NKAIN2: variants seen among roughly 807,000 people sequenced by gnomAD.
NKAIN2 encodes sodium/potassium transporting ATPase interacting 2.
Under a neutral mutation model 32.6 loss-of-function variants are expected in NKAIN2, and 14 were observed. The observed-to-expected ratio is 0.43, with a 90% confidence interval of 0.28 to 0.67. The LOEUF (loss-of-function observed/expected upper bound fraction) is 0.67. Among genes scored for constraint, NKAIN2 ranks in the 30% least tolerant of loss-of-function variants. The probability of loss-of-function intolerance (pLI) is 0.17; values close to 1 mark genes in which losing one functional copy is unlikely to be tolerated. For synonymous variants in NKAIN2, 80 were observed against 87.2 expected (o/e 0.92, Z 0.46); for missense variants, 198 against 258.3 (o/e 0.77, Z 1.60).
intron 3 of NKAIN2, among the ~76,000 whole-genome samples, chr6:124,435,039 A>G (rs1160376930): frequency 1.3e-5 from 2 of 152,194 alleles, no homozygotes; most frequent in Non-Finnish European, 2.9e-5. Flanking sequence ...TATCATGAAG[A>G]GTTTCAGAAA....
chr6:123,976,327 T>C (rs1255966646), intron 1 of NKAIN2, among the ~76,000 whole-genome samples: 3 of 37,594 alleles, frequency 8.0e-5, no homozygotes, highest in Non-Finnish European at 1.7e-4. Context: ...ATATATATGT[T>C]CCCATATATA....
At chr6:124,358,929 C>A (rs1323450512) in intron 3 of NKAIN2, among the ~76,000 whole-genome samples, 4 of 150,092 alleles carry the variant, frequency 2.7e-5, no homozygotes, top group South Asian at 2.1e-4. Context: ...GTCTTTAATC[C>A]ATCTTGAATT....
intron 4 of NKAIN2, among the ~76,000 whole-genome samples, chr6:124,761,228 C>T (rs1398591836): frequency 6.6e-6 from 1 of 152,154 alleles, no homozygotes; most frequent in Admixed American, 6.5e-5. Flanking sequence ...ATCATGCTAA[C>T]ACTTTATTGC....
At chr6:124,462,196 T>C (rs1021693348) in intron 3 of NKAIN2, among the ~76,000 whole-genome samples, 5 of 151,808 alleles carry the variant, frequency 3.3e-5, no homozygotes, top group African/African-American at 1.2e-4. Flanking sequence ...GAGAGAATTG[T>C]TAAAGGGAAG....
At chr6:123,820,678 A>C (rs1773886996) in intron 1 of NKAIN2, among the ~76,000 whole-genome samples, 1 of 152,286 alleles carries the variant, frequency 6.6e-6, no homozygotes, top group East Asian at 1.9e-4. Flanking sequence ...TCACAGGTTT[A>C]CCAGAAGTAT....
intron 4 of NKAIN2, among the ~76,000 whole-genome samples, chr6:124,759,756 A>G (rs563949572): frequency 4.6e-5 from 7 of 152,078 alleles, no homozygotes; most frequent in South Asian, 2.1e-4. Flanking sequence ...TGTTGGAAAT[A>G]TATTTCCCAA....
In NKAIN2 at chr6:123,821,685, G is replaced by T. The variant is rs778045764; in HGVS notation, c.54+17431G>T. Among the ~76,000 whole-genome samples, 91 of 152,218 alleles carry T rather than the reference G, an allele frequency of 6.0e-4. No homozygotes were observed. The Middle Eastern group carries it at 0.014, about 23-fold the overall frequency. Reference sequence around the variant, plus strand: ...TTGAAACCACTGTGGGTGTGTAGAGGGACAAGCGGGGGGCCCGAGGGCTGG... The same window carrying T: ...TTGAAACCACTGTGGGTGTGTAGAGTGACAAGCGGGGGGCCCGAGGGCTGG... On this transcript the variant is annotated intron_variant, in intron 1 of 6. Transcript: ENST00000368417.
chr6:123,895,245 ACAGCAGCAGCAG>A (rs560084577), intron 1 of NKAIN2, among the ~76,000 whole-genome samples: 4 of 151,394 alleles, frequency 2.6e-5, no homozygotes, highest in African/African-American at 4.8e-5. Context: ...ACACACAGCA[ACAGCAGCAGCAG>A]CAGCAGCAGC....
chr6:124,225,935 T>A (rs182502039), intron 1 of NKAIN2, among the ~76,000 whole-genome samples: 1 of 152,112 alleles, frequency 6.6e-6, no homozygotes, highest in East Asian at 1.9e-4. Flanking sequence ...CACTGGTCAT[T>A]TTTGCAAAGG....
At chr6:124,135,514 GTA>G (rs1491200328) in intron 1 of NKAIN2, among the ~76,000 whole-genome samples, 96 of 12,240 alleles carry the variant, frequency 7.8e-3, no homozygotes, top group African/African-American at 0.023. Flanking sequence ...AGCAACGATA[GTA>G]AAAAAAAAAA....
intron 1 of NKAIN2, among the ~76,000 whole-genome samples, chr6:124,065,811 C>A (rs112899257): frequency 0.014 from 2,086 of 152,170 alleles, 44 homozygotes; most frequent in African/African-American, 0.048. Flanking sequence ...CATATTTCTT[C>A]TTTTTAAATT....
intron 5 of NKAIN2, among the ~76,000 whole-genome samples, chr6:124,816,032 G>GT (rs1477677366): frequency 2.0e-5 from 3 of 152,138 alleles, no homozygotes; most frequent in Non-Finnish European, 2.9e-5. Context: ...CAGGGTCTCT[G>GT]TTTTTGTCAT....
At chr6:124,348,663 G>A (rs1798564615) in intron 2 of NKAIN2, among the ~76,000 whole-genome samples, 2 of 152,242 alleles carry the variant, frequency 1.3e-5, no homozygotes, top group African/African-American at 2.4e-5. Context: ...CTCCCAGCAT[G>A]AGCGACGCAG....
At chr6:124,660,100 T>A (rs1159969701) in intron 4 of NKAIN2, among the ~76,000 whole-genome samples, 1 of 152,150 alleles carries the variant, frequency 6.6e-6, no homozygotes, top group Non-Finnish European at 1.5e-5. Context: ...ATGAGAAAAG[T>A]GAAATATTTC....
chr6:124,707,686 T>A (rs911742814), intron 4 of NKAIN2, among the ~76,000 whole-genome samples: 158 of 151,516 alleles, frequency 1.0e-3, no homozygotes, highest in Non-Finnish European at 2.0e-3. Flanking sequence ...TTTGATGGGG[T>A]TGTTTGTTTT....
chr6:123,931,901 T>C lies in NKAIN2; in HGVS notation c.54+127647T>C, dbSNP rs146523584. On this transcript the variant is annotated intron_variant, in intron 1 of 6. Coordinates refer to ENST00000368417, the MANE Select transcript of NKAIN2 (RefSeq NM_001040214.3). ...TCATTTTATCATCACCCACTCAATC[T>C]TGAAACTCTCTAGTTTGACAATATC... Among the ~76,000 whole-genome samples the C allele has an allele frequency of 9.9e-4, 150 of 152,268 alleles. 3 individuals are homozygous for C. The East Asian group carries it at 0.028, about 28-fold the overall frequency.
At chr6:124,598,190 T>C (rs1249110966) in intron 3 of NKAIN2, among the ~76,000 whole-genome samples, 1 of 152,214 alleles carries the variant, frequency 6.6e-6, no homozygotes, top group Admixed American at 6.6e-5. Context: ...AAAAACTAGT[T>C]GTGAATCTTG....
At chr6:124,606,499 A>G (rs932215458) in intron 3 of NKAIN2, among the ~76,000 whole-genome samples, 9 of 152,214 alleles carry the variant, frequency 5.9e-5, no homozygotes, top group African/African-American at 2.2e-4. Context: ...GCTTTGAAGT[A>G]TTAAAAACAT....
At chr6:124,089,676 T>G (rs1294287711) in intron 1 of NKAIN2, among the ~76,000 whole-genome samples, 1 of 151,970 alleles carries the variant, frequency 6.6e-6, no homozygotes, top group African/African-American at 2.4e-5. Flanking sequence ...CTCTCTCCCT[T>G]AGAAAGAAGG....
Sources: allele counts gnomAD v4.1 joint callset (sites outside exome capture counted in the v4.1 genomes callset), GRCh38; gene constraint gnomAD v4.1.1; transcripts MANE v1.5; gene names NCBI Gene and HGNC (gene_info 2026-07-23, HGNC 2026-07-21).